MACROD2: variants seen among roughly 807,000 people sequenced by gnomAD.
MACROD2 encodes ADP-ribose glycohydrolase MACROD2.
Under a neutral mutation model 70.4 loss-of-function variants are expected in MACROD2, and 36 were observed. The observed-to-expected ratio is 0.51, with a 90% CI of 0.39 to 0.68. The LOEUF (loss-of-function observed/expected upper bound fraction) is 0.68, where lower values mean the gene tolerates loss of function less well. Ranked by LOEUF, MACROD2 falls within the 30% of genes least tolerant of loss-of-function variation. The probability of loss-of-function intolerance (pLI) is 0.00; values close to 1 mark genes in which losing one functional copy is unlikely to be tolerated. For missense variants in MACROD2, 496 were observed against 538.4 expected, an observed-to-expected ratio of 0.92 and a Z score of 0.78; for synonymous variants, 172 against 178.8, an observed-to-expected ratio of 0.96 and a Z score of 0.30.
At chr20:16,022,406 T>C (rs998028289) in intron 15 of MACROD2, among the ~76,000 whole-genome samples, 1 of 152,206 alleles carries the variant, frequency 6.6e-6, no homozygotes, top group African/African-American at 2.4e-5. Flanking sequence ...AAATTTCTAG[T>C]TGTGAATACA....
chr20:15,120,156 G>T (rs1601099887), intron 5 of MACROD2, among the ~76,000 whole-genome samples: 1 of 152,176 alleles, frequency 6.6e-6, no homozygotes, highest in Non-Finnish European at 1.5e-5. Context: ...AGCAAGAAAG[G>T]TAAAGATATT....
chr20:14,900,626 T>G (rs2073883974), intron 5 of MACROD2, among the ~76,000 whole-genome samples: 1 of 152,132 alleles, frequency 6.6e-6, no homozygotes, highest in East Asian at 1.9e-4. Flanking sequence ...TGTAAAATCT[T>G]TTTTGTTTCT....
At chr20:15,856,587 C>CAT (rs371567574) in intron 8 of MACROD2, among the ~76,000 whole-genome samples, 165 of 152,246 alleles carry the variant, frequency 1.1e-3, no homozygotes, top group African/African-American at 3.8e-3. Flanking sequence ...TTTGTCTAAA[C>CAT]ATATACTCTG....
chr20:15,937,620 T>A (rs1478909096), intron 12 of MACROD2, 76 bp downstream of exon 12: 1 of 1,374,340 alleles, frequency 7.3e-7, no homozygotes, highest in African/African-American at 1.4e-5. Flanking sequence ...CATGGAAAAA[T>A]GAAGCAGCAA....
chr20:15,982,776 G>C (rs1368477207), intron 13 of MACROD2, among the ~76,000 whole-genome samples: 1 of 152,194 alleles, frequency 6.6e-6, no homozygotes, highest in African/African-American at 2.4e-5. Flanking sequence ...TTAGCTAATG[G>C]TGTCCTTTGG....
At chr20:14,492,979 AG>A (rs1337416618) in intron 3 of MACROD2, among the ~76,000 whole-genome samples, 8 of 152,106 alleles carry the variant, frequency 5.3e-5, no homozygotes, top group African/African-American at 1.9e-4. Flanking sequence ...CAAAATAAAA[AG>A]TTAATAGAAA....
At chr20:15,870,339 T>C (rs6080000) in intron 9 of MACROD2, among the ~76,000 whole-genome samples, 102,167 of 151,720 alleles carry the variant, frequency 0.67, 36,935 homozygotes, top group Non-Finnish European at 0.8. Flanking sequence ...TAATATTCCA[T>C]TGCCCTTTCA....
intron 6 of MACROD2, among the ~76,000 whole-genome samples, chr20:15,325,140 G>A (rs1309577006): frequency 2.0e-5 from 3 of 152,226 alleles, no homozygotes; most frequent in East Asian, 3.9e-4. Flanking sequence ...AGATGTAAAA[G>A]TATGATAACA....
At chr20:15,318,175 C>G (rs987876888) in intron 6 of MACROD2, among the ~76,000 whole-genome samples, 3 of 151,968 alleles carry the variant, frequency 2.0e-5, no homozygotes, top group Non-Finnish European at 4.4e-5. Context: ...CCTTCTACCA[C>G]GAAAAGATCA....
At chr20:15,535,711 A>C (rs536799431) in intron 8 of MACROD2, among the ~76,000 whole-genome samples, 1 of 152,110 alleles carries the variant, frequency 6.6e-6, no homozygotes, top group Non-Finnish European at 1.5e-5. Flanking sequence ...AACACTTTCC[A>C]ATCCCGCGTC....
chr20:15,469,632 G>A lies in MACROD2; in HGVS notation c.572-30142G>A, dbSNP rs781578558. Reference sequence around the variant, plus strand: ...GACTGAGCAAGAATCCAGTCCACAAGAAAGGGGCCTTGGGCCTGGGCGATG... The same window carrying A: ...GACTGAGCAAGAATCCAGTCCACAAAAAAGGGGCCTTGGGCCTGGGCGATG... On this transcript the variant is annotated intron_variant, in intron 7 of 17. Coordinates refer to ENST00000684519, the MANE Select transcript of MACROD2 (RefSeq NM_001351661.2). 5.3e-5 allele frequency among the ~76,000 whole-genome samples: 8 copies of A among 152,316 alleles called. No individual in the cohort carries two copies. The East Asian group carries it at 9.7e-4, about 18-fold the overall frequency.
chr20:15,048,154 TA>T (rs1447386043), intron 5 of MACROD2, among the ~76,000 whole-genome samples: 1 of 138,342 alleles, frequency 7.2e-6, no homozygotes, highest in Admixed American at 7.4e-5. Flanking sequence ...TGGGTGCCTG[TA>T]GACCCAGCTG....
intron 12 of MACROD2, among the ~76,000 whole-genome samples, chr20:15,960,471 G>A (rs959386556): frequency 2.0e-5 from 3 of 152,098 alleles, no homozygotes; most frequent in Admixed American, 6.5e-5. Flanking sequence ...TCTAAGTTTC[G>A]GATCCACAAA....
intron 4 of MACROD2, among the ~76,000 whole-genome samples, chr20:14,554,215 T>G (rs1393738134): frequency 6.6e-6 from 1 of 152,150 alleles, no homozygotes; most frequent in Non-Finnish European, 1.5e-5. Flanking sequence ...TATCACCCTT[T>G]GGGAAACACG....
intron 3 of MACROD2, among the ~76,000 whole-genome samples, chr20:14,286,098 T>C (rs963598906): frequency 2.0e-5 from 3 of 152,106 alleles, no homozygotes; most frequent in African/African-American, 7.2e-5. Flanking sequence ...ATTATTTTTG[T>C]AGAACAGGAG....
At chr20:15,729,997 A>G (rs985835260) in intron 8 of MACROD2, among the ~76,000 whole-genome samples, 1 of 151,204 alleles carries the variant, frequency 6.6e-6, no homozygotes, top group Admixed American at 6.6e-5. Context: ...CCCACTAACT[A>G]TTGTATTTTC....
chr20:14,297,145 C>G (rs1380752718), intron 3 of MACROD2, among the ~76,000 whole-genome samples: 1 of 151,786 alleles, frequency 6.6e-6, no homozygotes, highest in Non-Finnish European at 1.5e-5. Flanking sequence ...TCTTACTGCT[C>G]CACTGACTGG....
At chr20:14,940,178 TA>T (rs1433978640) in intron 5 of MACROD2, among the ~76,000 whole-genome samples, 1 of 102,086 alleles carries the variant, frequency 9.8e-6, no homozygotes, top group Non-Finnish European at 2.2e-5. Context: ...AAAAAAAAAT[TA>T]AAAAGTTAGC....
chr20:14,745,323 G>A (rs2071785780), intron 5 of MACROD2, among the ~76,000 whole-genome samples: 1 of 152,142 alleles, frequency 6.6e-6, no homozygotes, highest in Middle Eastern at 3.2e-3. Context: ...CTTGCTAAAT[G>A]TCTATATTTG....
Sources: gnomAD v4.1 joint callset for allele counts (sites outside exome capture counted in the v4.1 genomes callset) on GRCh38, gnomAD v4.1.1 for gene constraint, MANE v1.5 for transcripts, NCBI Gene and HGNC (gene_info 2026-07-23, HGNC 2026-07-21) for gene names.